Variants in CA10 observed in about 807,000 individuals in gnomAD.
CA10 encodes the protein carbonic anhydrase-related protein 10.
CA10 carries 14 observed loss-of-function variants against 44.2 expected under a neutral mutation model. That is an observed-to-expected ratio of 0.32 (90% CI 0.21 to 0.50). The LOEUF is 0.50. Ranked by LOEUF, CA10 falls within the 20% of genes least tolerant of loss-of-function variation. CA10 has a pLI of 0.99. For synonymous variants in CA10, 159 were observed against 141.6 expected (o/e 1.12, Z -0.87); for missense variants, 350 against 409.7 (o/e 0.85, Z 1.26).
intron 3 of CA10, among the ~76,000 whole-genome samples, chr17:51,868,618 A>G (rs890507915): frequency 6.6e-6 from 1 of 152,224 alleles, no homozygotes; most frequent in Non-Finnish European, 1.5e-5. Flanking sequence ...ATTTAGCTAC[A>G]TCTCTAACTG....
intron 2 of CA10, among the ~76,000 whole-genome samples, chr17:51,954,293 TA>T (rs1402085957): frequency 6.6e-6 from 1 of 152,170 alleles, no homozygotes; most frequent in African/African-American, 2.4e-5. Flanking sequence ...AACTAAACAT[TA>T]AAAAAGTTCA....
intron 2 of CA10, among the ~76,000 whole-genome samples, chr17:51,976,077 T>A (rs909900584): frequency 3.3e-5 from 5 of 152,158 alleles, no homozygotes; most frequent in African/African-American, 1.2e-4. Flanking sequence ...TGATGCATAT[T>A]TTATAATGTT....
chr17:51,860,453 G>T (rs2143839887), intron 3 of CA10, among the ~76,000 whole-genome samples: 2 of 152,318 alleles, frequency 1.3e-5, no homozygotes, highest in Middle Eastern at 6.8e-3. Context: ...AATATGTGAT[G>T]TTTCTGAATA....
At chr17:51,665,818 A>G (rs1360951181) in intron 4 of CA10, among the ~76,000 whole-genome samples, 4 of 152,216 alleles carry the variant, frequency 2.6e-5, no homozygotes, top group Non-Finnish European at 5.9e-5. Flanking sequence ...CATTGAAGGA[A>G]ATCTTGTTAG....
intron 2 of CA10, among the ~76,000 whole-genome samples, chr17:52,024,323 AT>A (rs1986234194): frequency 6.6e-6 from 1 of 152,164 alleles, no homozygotes; most frequent in African/African-American, 2.4e-5. Context: ...ACATAGTCAC[AT>A]ATGTGAAATG....
chr17:51,723,369 A>G (rs1176899800), intron 4 of CA10, among the ~76,000 whole-genome samples: 1 of 152,230 alleles, frequency 6.6e-6, no homozygotes, highest in Non-Finnish European at 1.5e-5. Flanking sequence ...AGTTGAAGCC[A>G]AAAGGTTCAA....
chr17:51,959,398 G>C (rs203019), intron 2 of CA10, among the ~76,000 whole-genome samples: 95,489 of 151,120 alleles, frequency 0.63, 30,371 homozygotes, highest in African/African-American at 0.65. Flanking sequence ...GTCATCATGG[G>C]AAGTGTGAAA....
At chr17:51,947,186 C>G (rs1312390169) in intron 2 of CA10, among the ~76,000 whole-genome samples, 2 of 106,104 alleles carry the variant, frequency 1.9e-5, no homozygotes, top group East Asian at 3.2e-4. Flanking sequence ...GCACTTTTTA[C>G]AATGCAACAT....
At chr17:52,094,908 T>C (rs1365646899) in intron 1 of CA10, among the ~76,000 whole-genome samples, 1 of 152,188 alleles carries the variant, frequency 6.6e-6, no homozygotes, top group Non-Finnish European at 1.5e-5. Flanking sequence ...TGGCCTTATC[T>C]TCTACAGTTG....
At chr17:51,952,994 T>C (rs951800718) in intron 2 of CA10, among the ~76,000 whole-genome samples, 2 of 152,176 alleles carry the variant, frequency 1.3e-5, no homozygotes, top group African/African-American at 2.4e-5. Flanking sequence ...ACTCCTGGCC[T>C]CAAGAGATAC....
chr17:52,011,334 C>G (rs148921524), intron 2 of CA10, among the ~76,000 whole-genome samples: 99 of 152,046 alleles, frequency 6.5e-4, no homozygotes, highest in Non-Finnish European at 1.3e-3. Context: ...CTGCTGCGAT[C>G]AGGTAAATGA....
intron 3 of CA10, among the ~76,000 whole-genome samples, chr17:51,845,252 G>A (rs1978440758): frequency 6.6e-6 from 1 of 152,162 alleles, no homozygotes; most frequent in Admixed American, 6.6e-5. Context: ...ATCAGCACAG[G>A]AGATCACTTC....
intron 6 of CA10, among the ~76,000 whole-genome samples, chr17:51,640,560 T>C (rs566408071): frequency 1.2e-4 from 18 of 152,322 alleles, no homozygotes; most frequent in African/African-American, 4.3e-4. Flanking sequence ...TGCCATTAAA[T>C]CAGTGTCTAT....
At chr17:52,051,538 T>C (rs2143048245) in intron 2 of CA10, among the ~76,000 whole-genome samples, 1 of 150,404 alleles carries the variant, frequency 6.6e-6, no homozygotes, top group Non-Finnish European at 1.5e-5. Context: ...CTACAAAAAA[T>C]AGCTCAACAT....
At position 51,686,776 on chromosome 17, in the gene CA10, TTGATCAGTGGATGGCTTCCCCATCCAC is replaced by T. The variant is rs1426561816; in HGVS notation, c.466-33067_466-33041del. On this transcript the variant is annotated intron_variant, in intron 4 of 8. Transcript: ENST00000451037. ...TATTTCACACTTGATCATCTCACAC[TTGATCAGTGGATGGCTTCCCCATCCAC>T]TGATCTCTCAAGCCCCAAAAGTAAG... Among the ~76,000 whole-genome samples, 14 of 152,242 alleles carry T rather than the reference TTGATCAGTGGATGGCTTCCCCATCCAC, an allele frequency of 9.2e-5. No homozygotes were observed. In the South Asian group the frequency reaches 2.9e-3, roughly 32 times the overall value.
chr17:51,671,506 G>A (rs930367946), intron 4 of CA10, among the ~76,000 whole-genome samples: 3 of 152,118 alleles, frequency 2.0e-5, no homozygotes, highest in East Asian at 1.9e-4. Flanking sequence ...CCGGGTTCAC[G>A]CCGTTCTCCT....
chr17:52,055,645 A>C (rs1169633524), intron 2 of CA10, among the ~76,000 whole-genome samples: 2 of 152,106 alleles, frequency 1.3e-5, no homozygotes, highest in Admixed American at 6.6e-5. Flanking sequence ...ATATTATAAA[A>C]AGTCCTATAA....
intron 4 of CA10, among the ~76,000 whole-genome samples, chr17:51,731,210 C>T (rs2143559703): frequency 6.6e-6 from 1 of 152,238 alleles, no homozygotes; most frequent in South Asian, 2.1e-4. Context: ...AACCCCATCT[C>T]TACTAAAAAT....
At chr17:51,633,976 A>G (rs1662890190) in intron 7 of CA10, among the ~76,000 whole-genome samples, 1 of 152,128 alleles carries the variant, frequency 6.6e-6, no homozygotes, top group African/African-American at 2.4e-5. Context: ...TTTCTTTGAT[A>G]CTCTTTGGTT....
Sources: gnomAD v4.1 joint callset for allele counts (sites outside exome capture counted in the v4.1 genomes callset) on GRCh38, gnomAD v4.1.1 for gene constraint, MANE v1.5 for transcripts, NCBI Gene and HGNC (gene_info 2026-07-23, HGNC 2026-07-21) for gene names.